Variants in CSMD3 observed in about 807,000 individuals in gnomAD.
The protein encoded by CSMD3 is CUB and Sushi multiple domains 3.
CSMD3 carries 177 observed loss-of-function variants against 435.2 expected under a neutral mutation model. That is an observed-to-expected ratio of 0.41 (90% CI 0.36 to 0.46). CSMD3 has a LOEUF of 0.46. CSMD3 is among the 20% of genes least tolerant of loss of function. The pLI, the probability that CSMD3 is intolerant of heterozygous loss-of-function variation, is 0.34. For missense variants in CSMD3, 4,265 were observed against 4,504.6 expected (o/e 0.95, Z 1.52); for synonymous variants, 1,656 against 1,520.5 (o/e 1.09, Z -2.07).
chr8:112,516,903 A>T, intron 28 of CSMD3, 131 bp downstream of exon 28: 1 of 693,570 alleles, frequency 1.4e-6, no homozygotes, highest in South Asian at 1.7e-5. Context: ...CATTCTGCGG[A>T]GGTTAATAAT....
In CSMD3 at chr8:112,691,326, C is replaced by T. The variant is rs182108553; in HGVS notation, c.1973-1276G>A. ...TGGTCTATAACTTTTTTCTTCTGCT[C>T]TTCATATCTAGTTTTAATATCAAGG... On this transcript the variant is annotated intron_variant, in intron 13 of 70. Transcript: ENST00000297405. Among the ~76,000 whole-genome samples, 251 of 152,024 alleles carry T rather than the reference C, an allele frequency of 1.7e-3. 1 individual carries two copies. Among genetic ancestry groups the T allele is most frequent in the Non-Finnish European group, 2.4e-3 (164 of 67,964 alleles).
At chr8:112,598,821 G>C (rs943149210) in intron 22 of CSMD3, among the ~76,000 whole-genome samples, 1 of 152,206 alleles carries the variant, frequency 6.6e-6, no homozygotes, top group African/African-American at 2.4e-5. Flanking sequence ...GCCATATGTA[G>C]AAAGCTGAAA....
At chr8:112,383,298 C>G (rs1829642083) in intron 37 of CSMD3, among the ~76,000 whole-genome samples, 1 of 151,998 alleles carries the variant, frequency 6.6e-6, no homozygotes, top group Non-Finnish European at 1.5e-5. Context: ...ATTCCTGAAC[C>G]CTAACTCAGC....
chr8:113,278,514 T>G, intron 3 of CSMD3, 78 bp downstream of exon 3: 1 of 745,964 alleles, frequency 1.3e-6, no homozygotes, highest in South Asian at 1.4e-5. Context: ...TCTCAAATGT[T>G]GATTCTTCTT....
At chr8:113,112,453 ATACACACACACACACACACG>A (rs1416278966) in intron 4 of CSMD3, among the ~76,000 whole-genome samples, 9 of 71,138 alleles carry the variant, frequency 1.3e-4, no homozygotes, top group Non-Finnish European at 1.8e-4. Flanking sequence ...ATATATGTAT[ATACACACACACACACACACG>A]TACACACACA....
chr8:112,971,448 T>A (rs2084653985), intron 7 of CSMD3, among the ~76,000 whole-genome samples: 1 of 152,152 alleles, frequency 6.6e-6, no homozygotes, highest in Non-Finnish European at 1.5e-5. Context: ...AGTAAGCAAT[T>A]CTTTTTTATC....
intron 1 of CSMD3, among the ~76,000 whole-genome samples, chr8:113,380,749 C>A (rs541319021): frequency 6.6e-6 from 1 of 152,222 alleles, no homozygotes; most frequent in East Asian, 1.9e-4. Flanking sequence ...ATGTCGTCAC[C>A]AAATGAAGGT....
chr8:112,226,157 T>C (rs1563655505), intron 70 of CSMD3, among the ~76,000 whole-genome samples: 1 of 152,184 alleles, frequency 6.6e-6, no homozygotes, highest in Non-Finnish European at 1.5e-5. Context: ...TATTAGGTGA[T>C]TTCTACGATA....
At chr8:113,168,360 A>T (rs1355136618) in intron 4 of CSMD3, among the ~76,000 whole-genome samples, 1 of 151,802 alleles carries the variant, frequency 6.6e-6, no homozygotes, top group Non-Finnish European at 1.5e-5. Context: ...GTCTCTACTG[A>T]AAAAACAAAA....
chr8:113,003,449 G>C (rs962676389), intron 6 of CSMD3, among the ~76,000 whole-genome samples: 4 of 151,730 alleles, frequency 2.6e-5, no homozygotes, highest in Non-Finnish European at 4.4e-5. Flanking sequence ...TAATATTTTT[G>C]ATAAGTGTGT....
At chr8:113,161,987 A>G (rs1278706030) in intron 4 of CSMD3, among the ~76,000 whole-genome samples, 1 of 151,828 alleles carries the variant, frequency 6.6e-6, no homozygotes, top group Non-Finnish European at 1.5e-5. Flanking sequence ...TTTTTTTTCA[A>G]TTTTCACCCA....
At chr8:112,690,378 C>T (rs2076105255) in intron 13 of CSMD3, among the ~76,000 whole-genome samples, 1 of 151,930 alleles carries the variant, frequency 6.6e-6, no homozygotes, top group Non-Finnish European at 1.5e-5. Flanking sequence ...AATGTACACA[C>T]ACATAGACAT....
chr8:113,286,764 TA>T (rs1329952131), intron 2 of CSMD3, among the ~76,000 whole-genome samples: 2 of 152,004 alleles, frequency 1.3e-5, no homozygotes, highest in African/African-American at 4.8e-5. Flanking sequence ...ATTACAATAT[TA>T]AAATGTTATT....
intron 58 of CSMD3, among the ~76,000 whole-genome samples, chr8:112,285,617 T>G (rs1819112908): frequency 6.6e-6 from 1 of 152,154 alleles, no homozygotes; most frequent in Admixed American, 6.6e-5. Flanking sequence ...GTTTAGTTTT[T>G]CCAATAAAAT....
chr8:112,376,384 C>T (rs117095749), intron 38 of CSMD3, among the ~76,000 whole-genome samples: 88 of 152,152 alleles, frequency 5.8e-4, no homozygotes, highest in African/African-American at 2.0e-3. Flanking sequence ...ATTTGCATTA[C>T]AGTAATACAT....
At chr8:112,305,232 A>G (rs994325188) in intron 51 of CSMD3, among the ~76,000 whole-genome samples, 1 of 152,096 alleles carries the variant, frequency 6.6e-6, no homozygotes, top group Non-Finnish European at 1.5e-5. Flanking sequence ...ATTTTGAGGA[A>G]ATTTTTTTGA....
chr8:112,952,934 T>C lies in CSMD3; in HGVS notation c.1420+1750A>G, dbSNP rs201579530. Among the ~76,000 whole-genome samples the C allele has an allele frequency of 4.0e-5, 6 of 151,366 alleles. No individual in the cohort carries two copies. The East Asian group carries it at 9.7e-4, about 24-fold the overall frequency. On this transcript the variant is annotated intron_variant, in intron 8 of 70. Coordinates refer to ENST00000297405, the MANE Select transcript of CSMD3 (RefSeq NM_198123.2). ...TTTTTGTTCACCTTCACAACCCATG[T>C]ACAAGAAAAGTGGAAATAATATATA...
chr8:112,295,305 C>T (rs1314508313), intron 54 of CSMD3, among the ~76,000 whole-genome samples: 1 of 152,090 alleles, frequency 6.6e-6, no homozygotes, highest in African/African-American at 2.4e-5. Context: ...ACATAATCAT[C>T]AGAGGACCTG....
chr8:113,132,251 G>A (rs989529201), intron 4 of CSMD3, among the ~76,000 whole-genome samples: 4 of 152,082 alleles, frequency 2.6e-5, no homozygotes, highest in Admixed American at 6.6e-5. Flanking sequence ...CTTTGGTCAG[G>A]GGGTACTGTT....
Sources: gnomAD v4.1 joint callset for allele counts (sites outside exome capture counted in the v4.1 genomes callset) on GRCh38, gnomAD v4.1.1 for gene constraint, MANE v1.5 for transcripts, NCBI Gene and HGNC (gene_info 2026-07-23, HGNC 2026-07-21) for gene names.